The following EBF1 variants were observed in gnomAD, a reference collection of about 807,000 sequenced individuals.
The protein encoded by EBF1 is transcription factor COE1.
EBF1 carries 10 observed loss-of-function variants against 68.4 expected under a neutral mutation model. The observed-to-expected ratio is 0.15, with a 90% CI of 0.09 to 0.25. The LOEUF (loss-of-function observed/expected upper bound fraction) is 0.25, where lower values mean the gene tolerates loss of function less well. Ranked by LOEUF, EBF1 falls within the 10% of genes least tolerant of loss-of-function variation. The pLI is 1.00. For missense variants in EBF1, 509 were observed against 794.4 expected, an observed-to-expected ratio of 0.64 and a Z score of 4.32; for synonymous variants, 298 against 299.8, an observed-to-expected ratio of 0.99 and a Z score of 0.06.
intron 14 of EBF1, 59 bp downstream of exon 14, chr5:158,712,095 A>T: frequency 5.0e-6 from 8 of 1,591,610 alleles, no homozygotes; most frequent in Non-Finnish European, 6.9e-6. Flanking sequence ...GCCACATGGC[A>T]TGATGCCAAG....
chr5:158,946,100 T>A (rs1179043530), intron 6 of EBF1, among the ~76,000 whole-genome samples: 8 of 152,162 alleles, frequency 5.3e-5, no homozygotes, highest in African/African-American at 1.7e-4. Flanking sequence ...TTATCAAGGT[T>A]CTTAGCTTCC....
At chr5:159,062,765 A>T (rs1276862489) in intron 6 of EBF1, among the ~76,000 whole-genome samples, 1 of 152,218 alleles carries the variant, frequency 6.6e-6, no homozygotes, top group Non-Finnish European at 1.5e-5. Context: ...TTACAAAATA[A>T]GAAATTCCCA....
At chr5:159,041,158 T>C (rs1461573160) in intron 6 of EBF1, among the ~76,000 whole-genome samples, 2 of 152,180 alleles carry the variant, frequency 1.3e-5, no homozygotes, top group African/African-American at 4.8e-5. Context: ...GCTTGACCAA[T>C]CCCCAATGCC....
At chr5:158,994,085 G>A (rs1760918490) in intron 6 of EBF1, among the ~76,000 whole-genome samples, 1 of 152,140 alleles carries the variant, frequency 6.6e-6, no homozygotes, top group Non-Finnish European at 1.5e-5. Flanking sequence ...CTGCACCTCA[G>A]CCAAACCCCC....
intron 15 of EBF1, among the ~76,000 whole-genome samples, chr5:158,701,194 A>T (rs1756689969): frequency 6.6e-6 from 1 of 152,070 alleles, no homozygotes; most frequent in African/African-American, 2.4e-5. Flanking sequence ...TTCCACCAAA[A>T]TCTATTCTGC....
At chr5:158,702,565 G>T (rs965652821) in intron 15 of EBF1, among the ~76,000 whole-genome samples, 5 of 151,916 alleles carry the variant, frequency 3.3e-5, no homozygotes, top group Non-Finnish European at 5.9e-5. Flanking sequence ...AGCTGGGAGG[G>T]TTTGGAGTGA....
chr5:158,800,798 G>T lies in EBF1; in HGVS notation c.779-4323C>A, dbSNP rs147156600. Among the ~76,000 whole-genome samples the T allele has an allele frequency of 2.2e-3, 336 of 152,284 alleles. 4 individuals are homozygous for T. Among genetic ancestry groups the T allele is most frequent in the African/African-American group, 7.9e-3 (329 of 41,570 alleles). On this transcript the variant is annotated intron_variant, in intron 8 of 15. Transcript: ENST00000313708. ...TGGATGGATTCAGTGGAATTTGACT[G>T]TGAAAAGATTTATGAAAGAGTTCAA...
At chr5:158,935,648 C>T (rs916538529) in intron 6 of EBF1, among the ~76,000 whole-genome samples, 2 of 152,160 alleles carry the variant, frequency 1.3e-5, no homozygotes, top group Non-Finnish European at 2.9e-5. Context: ...ATTTTCTTCC[C>T]TTTAGTGACT....
intron 6 of EBF1, among the ~76,000 whole-genome samples, chr5:159,023,673 G>A (rs577400450): frequency 3.3e-5 from 5 of 152,218 alleles, no homozygotes; most frequent in South Asian, 2.1e-4. Flanking sequence ...CCTTTTACTC[G>A]CAAAAACAAA....
intron 6 of EBF1, among the ~76,000 whole-genome samples, chr5:158,974,064 G>A (rs1288814281): frequency 2.0e-5 from 3 of 152,130 alleles, no homozygotes; most frequent in Admixed American, 2.0e-4. Flanking sequence ...GTGTTTGTAG[G>A]TCTGCATGCT....
chr5:158,796,541 A>T (rs1779642392), intron 8 of EBF1, 66 bp from the exon 9 acceptor site: 7 of 1,488,902 alleles, frequency 4.7e-6, no homozygotes, highest in Non-Finnish European at 6.3e-6. Flanking sequence ...AATGATGAAG[A>T]CTTGAGAAAA....
chr5:158,851,504 G>T (rs1472433335), intron 6 of EBF1, among the ~76,000 whole-genome samples: 3 of 74,746 alleles, frequency 4.0e-5, no homozygotes, highest in East Asian at 1.1e-3. Context: ...GAAGAGGGGG[G>T]AGAAGGGAAG....
chr5:158,816,898 A>T (rs937840022), intron 8 of EBF1, among the ~76,000 whole-genome samples: 9 of 152,234 alleles, frequency 5.9e-5, no homozygotes, highest in African/African-American at 2.2e-4. Context: ...TCCAAAGCAC[A>T]GCCAACTCCC....
chr5:158,956,949 C>T (rs907590856), intron 6 of EBF1, among the ~76,000 whole-genome samples: 5 of 151,858 alleles, frequency 3.3e-5, no homozygotes, highest in African/African-American at 2.4e-5. Context: ...TAGTAGAGAC[C>T]GGGTTTCACC....
At chr5:159,032,960 TTCTG>T (rs1769227994) in intron 6 of EBF1, among the ~76,000 whole-genome samples, 1 of 152,058 alleles carries the variant, frequency 6.6e-6, no homozygotes, top group African/African-American at 2.4e-5. Flanking sequence ...AAGTATTCTA[TTCTG>T]TCTCTCTTTC....
At position 158,840,645 on chromosome 5, in the gene EBF1, G is replaced by GTTTTTTTTTTTTTTTTTTTTTT. The variant is rs534374216; in HGVS notation, c.555-557_555-536dup. Among the ~76,000 whole-genome samples the GTTTTTTTTTTTTTTTTTTTTTT allele has an allele frequency of 3.9e-4, 25 of 64,816 alleles. 1 individual carries two copies. Among genetic ancestry groups the GTTTTTTTTTTTTTTTTTTTTTT allele is most frequent in the East Asian group, 1.1e-3 (2 of 1,852 alleles). 42.5% of individuals were successfully genotyped at this position (64,816 alleles called of 152,430 possible). On this transcript the variant is annotated intron_variant, in intron 6 of 15. Transcript: ENST00000313708. ...TCCTTTGACTTCTCAAATACCTCCT[G>GTTTTTTTTTTTTTTTTTTTTTT]TTTTTTTTTTTTTTTTTTTTTTTTT...
At chr5:158,959,949 A>G (rs1817843964) in intron 6 of EBF1, among the ~76,000 whole-genome samples, 2 of 152,182 alleles carry the variant, frequency 1.3e-5, no homozygotes, top group African/African-American at 4.8e-5. Context: ...GTGCCTATAT[A>G]TCCCTAGTTA....
rs527288179 is a variant in EBF1, at chr5:158,726,292, G to GA, written c.1125+4776dup. 4.3e-4 allele frequency among the ~76,000 whole-genome samples: 66 copies of GA among 152,254 alleles called. No homozygotes were observed. In the East Asian group the frequency reaches 0.012, roughly 27 times the overall value. On this transcript the variant is annotated intron_variant, in intron 11 of 15. Coordinates refer to ENST00000313708, the MANE Select transcript of EBF1 (RefSeq NM_024007.5). ...AGGAGGACAGCTTGAAAAAGGCTCT[G>GA]AAGTCAATTCTGTACTATACATGCT...
intron 6 of EBF1, among the ~76,000 whole-genome samples, chr5:158,876,901 T>C (rs1797920812): frequency 6.6e-6 from 1 of 151,940 alleles, no homozygotes; most frequent in Non-Finnish European, 1.5e-5. Context: ...CATTTAGAGG[T>C]CTTTTTTACA....
Sources: allele counts gnomAD v4.1 joint callset (sites outside exome capture counted in the v4.1 genomes callset), GRCh38; gene constraint gnomAD v4.1.1; transcripts MANE v1.5; gene names NCBI Gene and HGNC (gene_info 2026-07-23, HGNC 2026-07-21).